MICU1: variants seen among roughly 807,000 people sequenced by gnomAD.
The protein encoded by MICU1 is mitochondrial calcium uptake 1, also known as calcium uptake protein 1, mitochondrial.
In MICU1, 45 loss-of-function variants were observed where a neutral mutation model predicts 56.8. The ratio of observed to expected loss-of-function variants is 0.79; its 90% CI spans 0.62 to 1.02. The LOEUF (loss-of-function observed/expected upper bound fraction) is 1.02. Among genes scored for constraint, MICU1 ranks in the 50% least tolerant of loss-of-function variants. The probability of loss-of-function intolerance (pLI) is 0.00; values close to 1 mark genes in which losing one functional copy is unlikely to be tolerated. For missense variants in MICU1, 504 were observed against 587.1 expected, an observed-to-expected ratio of 0.86 and a Z score of 1.46; for synonymous variants, 186 against 195.1, an observed-to-expected ratio of 0.95 and a Z score of 0.39.
At chr10:72,542,277 T>C (rs1017379816) in intron 4 of MICU1, among the ~76,000 whole-genome samples, 1 of 152,084 alleles carries the variant, frequency 6.6e-6, no homozygotes, top group Non-Finnish European at 1.5e-5. Context: ...ATTTAAAAAA[T>C]GTAAAAACCA....
intron 5 of MICU1, among the ~76,000 whole-genome samples, chr10:72,511,241 A>G (rs1867438782): frequency 6.6e-6 from 1 of 152,140 alleles, no homozygotes; most frequent in Admixed American, 6.5e-5. Context: ...ATCAATATTT[A>G]ATTCCTTTTT....
chr10:72,573,723 T>C (rs950498390), intron 1 of MICU1, among the ~76,000 whole-genome samples: 1 of 152,166 alleles, frequency 6.6e-6, no homozygotes, highest in Non-Finnish European at 1.5e-5. Context: ...GGGATTTTAT[T>C]TAAACTTTTT....
At chr10:72,489,555 G>A (rs866583718) in intron 6 of MICU1, among the ~76,000 whole-genome samples, 1 of 152,032 alleles carries the variant, frequency 6.6e-6, no homozygotes, top group Admixed American at 6.6e-5. Flanking sequence ...ACTAGAAAGG[G>A]ATATTCTTTG....
At chr10:72,442,769 T>C (rs1428496280) in intron 8 of MICU1, among the ~76,000 whole-genome samples, 2 of 152,146 alleles carry the variant, frequency 1.3e-5, no homozygotes, top group African/African-American at 4.8e-5. Flanking sequence ...TTGTCCTTTA[T>C]TTTTTTGAGA....
At chr10:72,372,913 C>CAA (rs773051618) in intron 11 of MICU1, among the ~76,000 whole-genome samples, 4 of 48,466 alleles carry the variant, frequency 8.3e-5, no homozygotes, top group Non-Finnish European at 1.2e-4. Context: ...GAGTGAGCCT[C>CAA]AAAAAAAAAA....
chr10:72,579,264 C>T (rs1048528115), intron 1 of MICU1, among the ~76,000 whole-genome samples: 10 of 151,984 alleles, frequency 6.6e-5, no homozygotes, highest in African/African-American at 2.2e-4. Flanking sequence ...TTCTGGAGGC[C>T]GGGGAGTCCA....
At position 72,521,786 on chromosome 10, in the gene MICU1, T is replaced by G. The variant is rs576859027; in HGVS notation, c.537+11960A>C. Among the ~76,000 whole-genome samples, 5 of 152,180 alleles carry G rather than the reference T, an allele frequency of 3.3e-5. No homozygotes were observed. In the East Asian group the frequency reaches 9.6e-4, roughly 29 times the overall value. ...ATATTTTTGAAGTAGTTCACTACCA[T>G]AAAATATTTACCTTGGGGCTTAGCT... On this transcript the variant is annotated intron_variant, in intron 5 of 11. Coordinates refer to ENST00000361114, the MANE Select transcript of MICU1 (RefSeq NM_001195518.2).
At chr10:72,580,312 T>TA (rs1241792496) in intron 1 of MICU1, among the ~76,000 whole-genome samples, 1 of 152,132 alleles carries the variant, frequency 6.6e-6, no homozygotes, top group African/African-American at 2.4e-5. Context: ...ATGTTATTTT[T>TA]ATTAAACAAC....
rs1300288691 is a variant in MICU1, at chr10:72,569,220, TA to T, written c.-1-2427del. 8.4e-3 allele frequency among the ~76,000 whole-genome samples: 346 copies of T among 40,966 alleles called. 7 individuals are homozygous for T. Among genetic ancestry groups the T allele is most frequent in the Non-Finnish European group, 0.012 (238 of 19,132 alleles). 26.9% of individuals were successfully genotyped at this position (40,966 alleles called of 152,430 possible). On this transcript the variant is annotated intron_variant, in intron 1 of 11. Coordinates refer to ENST00000361114, the MANE Select transcript of MICU1 (RefSeq NM_001195518.2). ...TCATATATATGCATATATATATATA[TA>T]TATATATATATATATATTTTTTTTT...
intron 3 of MICU1, among the ~76,000 whole-genome samples, chr10:72,557,628 T>C (rs1269490180): frequency 6.6e-6 from 1 of 152,218 alleles, no homozygotes; most frequent in East Asian, 1.9e-4. Context: ...TAAATTTTAT[T>C]CCTGCCTCTA....
At position 72,430,224 on chromosome 10, in the gene MICU1, C is replaced by A. The variant is rs554089560; in HGVS notation, c.934-6853G>T. 7.9e-5 allele frequency among the ~76,000 whole-genome samples: 12 copies of A among 152,162 alleles called. 1 individual carries two copies. The South Asian group carries it at 2.5e-3, about 32-fold the overall frequency. On this transcript the variant is annotated intron_variant, in intron 8 of 11. Coordinates refer to ENST00000361114, the MANE Select transcript of MICU1 (RefSeq NM_001195518.2). ...TGTACTTTTTATGAATTTCTGAAAT[C>A]CCTTCTTGAAAAAGGCAAGATTTAA...
chr10:72,596,638 G>A (rs369993373), intron 1 of MICU1, among the ~76,000 whole-genome samples: 21 of 152,172 alleles, frequency 1.4e-4, no homozygotes, highest in African/African-American at 2.9e-4. Flanking sequence ...TTGGGAGGCC[G>A]AGGTGGGTGG....
At chr10:72,564,258 T>C (rs1564936785) in intron 2 of MICU1, among the ~76,000 whole-genome samples, 1 of 152,116 alleles carries the variant, frequency 6.6e-6, no homozygotes, top group South Asian at 2.1e-4. Context: ...AATGGTGGCC[T>C]GGCCAGGCGT....
chr10:72,580,746 G>A (rs1330311435), intron 1 of MICU1, among the ~76,000 whole-genome samples: 1 of 152,108 alleles, frequency 6.6e-6, no homozygotes, highest in African/African-American at 2.4e-5. Context: ...CAAAGTGCTG[G>A]GATTACAGGC....
chr10:72,370,904 G>A lies in MICU1; in HGVS notation c.1271-2549C>T, dbSNP rs1035148094. 5.3e-5 allele frequency among the ~76,000 whole-genome samples: 8 copies of A among 151,918 alleles called. No homozygotes were observed. The South Asian group carries it at 1.5e-3, about 28-fold the overall frequency. On this transcript the variant is annotated intron_variant, in intron 11 of 11. Transcript: ENST00000361114. ...AAATTAGCTGGGCATGGTGGTGGGC[G>A]CCTGTAATTCCAGCTACTTGGGAGG...
chr10:72,501,089 T>A (rs989394484), intron 6 of MICU1, among the ~76,000 whole-genome samples: 16 of 152,198 alleles, frequency 1.1e-4, no homozygotes, highest in African/African-American at 3.9e-4. Flanking sequence ...CTAGAATGAA[T>A]CTGAATTCAT....
intron 6 of MICU1, among the ~76,000 whole-genome samples, chr10:72,490,369 C>T (rs993348479): frequency 6.6e-6 from 1 of 152,034 alleles, no homozygotes; most frequent in Non-Finnish European, 1.5e-5. Flanking sequence ...ACACATAATA[C>T]TAAGAAAAAT....
In MICU1 at chr10:72,569,232, TATA is replaced by T. The variant is rs1354414440; in HGVS notation, c.-1-2441_-1-2439del. ...ATATATATATATATATATATATATA[TATA>T]TATTTTTTTTTTTTTTTGAGATGGC... On this transcript the variant is annotated intron_variant, in intron 1 of 11. Transcript: ENST00000361114. Among the ~76,000 whole-genome samples, 480 of 55,130 alleles carry T rather than the reference TATA, an allele frequency of 8.7e-3. 13 individuals carry two copies. Among genetic ancestry groups the T allele is most frequent in the African/African-American group, 0.01 (121 of 11,620 alleles). The allele number at this position is 55,130 out of a possible 152,430, so 36.2% of individuals were successfully genotyped here. A position where few individuals can be genotyped will look rare whatever the true frequency, so the allele number is the denominator to read the frequency against.
chr10:72,438,494 G>A (rs1864810648), intron 8 of MICU1, among the ~76,000 whole-genome samples: 1 of 152,008 alleles, frequency 6.6e-6, no homozygotes, highest in African/African-American at 2.4e-5. Context: ...AAGAACTAGA[G>A]AAGCAAGAGC....
Sources: gnomAD v4.1 joint callset for allele counts (sites outside exome capture counted in the v4.1 genomes callset) on GRCh38, gnomAD v4.1.1 for gene constraint, MANE v1.5 for transcripts, NCBI Gene and HGNC (gene_info 2026-07-23, HGNC 2026-07-21) for gene names.